Variants in TXNDC9 observed in about 807,000 individuals in gnomAD.
TXNDC9 encodes thioredoxin domain containing 9.
A neutral mutation model predicts 23.0 loss-of-function variants in TXNDC9; 7 were observed. That is an observed-to-expected ratio of 0.30 (90% CI 0.17 to 0.57). TXNDC9 has a LOEUF of 0.57. TXNDC9 is among the 20% of genes least tolerant of loss of function. The pLI is 0.90. For synonymous variants in TXNDC9, 72 were observed against 90.6 expected (o/e 0.79, Z 1.17); for missense variants, 198 against 252.6 (o/e 0.78, Z 1.47).
At chr2:99,320,358 C>T (rs1413101252) in intron 4 of TXNDC9, among the ~76,000 whole-genome samples, 3 of 152,128 alleles carry the variant, frequency 2.0e-5, no homozygotes, top group Non-Finnish European at 4.4e-5. Flanking sequence ...TAACACAGTG[C>T]TCAGTTGTCA....
At chr2:99,309,562 G>A in the TXNDC9 span, among the ~76,000 whole-genome samples, 1 of 150,656 alleles carries the variant, frequency 6.6e-6, no homozygotes, top group Non-Finnish European at 1.5e-5. Flanking sequence ...GGCTGGACAT[G>A]GTGGCTCATG....
chr2:99,312,593 C>T, the TXNDC9 span, among the ~76,000 whole-genome samples: 2 of 151,362 alleles, frequency 1.3e-5, no homozygotes, highest in Non-Finnish European at 1.5e-5. Flanking sequence ...ACTGTGATGA[C>T]ATAAGAAAAT....
chr2:99,327,582 C>T lies in TXNDC9; in HGVS notation c.261G>A (p.Lys87=). 6.2e-7 allele frequency: 1 copy of T among 1,613,756 alleles called. No homozygotes were observed. Among genetic ancestry groups the T allele is most frequent in the Non-Finnish European group, 8.5e-7 (1 of 1,179,866 alleles). ...AATGGCAAACCACATTTTCACTCTC[C>T]TTGACTTCTTGAAAAAAGTCTCTTT... ...PSERDFFQEV[K]ESENVVCHFY... is the part of the protein sequence containing the mutation. Residue 87 remains lysine, a synonymous_variant, in exon 3 of 5, where the codon AAG becomes AAA. Transcript: ENST00000264255.
intron 2 of TXNDC9, chr2:99,332,797 C>A: frequency 2.1e-6 from 1 of 469,942 alleles, no homozygotes; most frequent in Non-Finnish European, 3.7e-6. Context: ...CGATCTTGGG[C>A]AGATCTTTCT....
intron 4 of TXNDC9, chr2:99,321,390 G>A (rs1046812117): frequency 2.0e-5 from 3 of 152,222 alleles, no homozygotes; most frequent in African/African-American, 4.8e-5. Flanking sequence ...AGAAATGGAA[G>A]TTGGATTTTA....
At chr2:99,328,023 T>TG (rs2094216845) in intron 2 of TXNDC9, among the ~76,000 whole-genome samples, 1 of 152,020 alleles carries the variant, frequency 6.6e-6, no homozygotes, top group Non-Finnish European at 1.5e-5. Flanking sequence ...GACCTTGTGA[T>TG]CCGCCTGCCT....
downstream of TXNDC9, among the ~76,000 whole-genome samples, chr2:99,315,126 G>A (rs1346002435): frequency 1.3e-5 from 2 of 149,578 alleles, no homozygotes; most frequent in Admixed American, 1.3e-4. Flanking sequence ...GCAGTGGCGC[G>A]ATCTTGGCTC....
chr2:99,327,729 A>C (rs555584492), intron 2 of TXNDC9, 76 bp from the exon 3 acceptor site: 1 of 848,856 alleles, frequency 1.2e-6, no homozygotes, highest in South Asian at 1.7e-5. Context: ...AAGTGTCCAA[A>C]TCACCATCGT....
At position 99,333,238 on chromosome 2, in the gene TXNDC9, G is replaced by A; in HGVS notation, c.-28C>T. The A allele has an allele frequency of 6.3e-7, 1 of 1,579,100 alleles. No homozygotes were observed. The highest frequency in any genetic ancestry group is 8.6e-7 in the Non-Finnish European group (1 of 1,164,310). On this transcript the variant is annotated 5_prime_UTR_variant, in exon 2 of 5. Coordinates refer to ENST00000264255, the MANE Select transcript of TXNDC9 (RefSeq NM_005783.4). The stretch of plus-strand genomic sequence containing the variant: ...TTCCAAATGGTACAGAGTTCAGCCT[G>A]GGTGCTGGGGAGAAGATTTACAAAA...
chr2:99,314,604 C>G (rs2094184414), downstream of TXNDC9, among the ~76,000 whole-genome samples: 1 of 137,134 alleles, frequency 7.3e-6, no homozygotes, highest in Non-Finnish European at 1.5e-5. Flanking sequence ...GATCTTGGCT[C>G]ACTGCAACCT....
At chr2:99,322,639 C>T in intron 3 of TXNDC9, 3 of 1,544,096 alleles carry the variant, frequency 1.9e-6, no homozygotes, top group Non-Finnish European at 2.6e-6. Flanking sequence ...GGAAAAACTT[C>T]TTACTCCTAA....
chr2:99,307,812 G>A, the TXNDC9 span, among the ~76,000 whole-genome samples: 7 of 144,780 alleles, frequency 4.8e-5, no homozygotes, highest in Non-Finnish European at 9.0e-5. Context: ...GGCCAAATGC[G>A]ACGTCATATT....
chr2:99,336,065 G>A (rs1053708845), intron 1 of TXNDC9, among the ~76,000 whole-genome samples, 174 bp downstream of exon 1: 12 of 152,266 alleles, frequency 7.9e-5, no homozygotes, highest in African/African-American at 2.2e-4. Context: ...GGAAAGCACA[G>A]TCCCGGTGGC....
chr2:99,320,460 T>G (rs575164892), intron 4 of TXNDC9, among the ~76,000 whole-genome samples: 10 of 152,192 alleles, frequency 6.6e-5, no homozygotes, highest in Non-Finnish European at 1.5e-4. Context: ...AATCTAATCT[T>G]GAGGAAATTT....
chr2:99,316,581 T>A (rs1429560401), downstream of TXNDC9, among the ~76,000 whole-genome samples: 1 of 152,166 alleles, frequency 6.6e-6, no homozygotes, highest in African/African-American at 2.4e-5. Context: ...TCTTACAACT[T>A]GATCTTGGAT....
At chr2:99,323,175 G>A (rs1412089394) in intron 3 of TXNDC9, among the ~76,000 whole-genome samples, 1 of 152,150 alleles carries the variant, frequency 6.6e-6, no homozygotes, top group African/African-American at 2.4e-5. Flanking sequence ...GGGAGGCTGA[G>A]GCAGGCGGAT....
chr2:99,333,188 T>G lies in TXNDC9; in HGVS notation c.23A>C (p.Asp8Ala). MEADASVDMFSKVLEHQL... is the reference protein window; with the variant it reads MEADASVAMFSKVLEHQL... ...ATGCTCCAGGACTTTGGAAAACATG[T>G]CAACAGATGCATCAGCTTCCATTCT... Residue 8 changes from aspartate (D) to alanine (A), a missense_variant, in exon 2 of 5, where the codon GAC becomes GCC. Physicochemically the swap from Asp to Ala is moderately radical, Grantham distance 126 (BLOSUM62 -2). Transcript: ENST00000264255. 6.2e-7 allele frequency: 1 copy of G among 1,614,146 alleles called. No homozygotes were observed. The highest frequency in any genetic ancestry group is 8.5e-7 in the Non-Finnish European group (1 of 1,179,988).
the TXNDC9 span, among the ~76,000 whole-genome samples, chr2:99,306,202 A>C: frequency 6.6e-6 from 1 of 150,864 alleles, no homozygotes; most frequent in African/African-American, 2.4e-5. Flanking sequence ...ATTTCTTATA[A>C]GTAAAAAACA....
intron 3 of TXNDC9, chr2:99,322,604 A>G: frequency 6.5e-7 from 1 of 1,540,100 alleles, no homozygotes. Flanking sequence ...GGAAGTCATG[A>G]AGAAAAACTG....
Sources: gnomAD v4.1 joint callset for allele counts (sites outside exome capture counted in the v4.1 genomes callset) on GRCh38, gnomAD v4.1.1 for gene constraint, MANE v1.5 for transcripts, NCBI Gene and HGNC (gene_info 2026-07-23, HGNC 2026-07-21) for gene names.